Variants in TMEM17 observed in about 807,000 individuals in gnomAD.
TMEM17 encodes transmembrane protein 17.
TMEM17 carries 15 observed loss-of-function variants against 19.1 expected under a neutral mutation model. That is an observed-to-expected ratio of 0.78 (90% CI 0.52 to 1.21). TMEM17 has a LOEUF of 1.21. Ranked by LOEUF, TMEM17 falls within the 50% of genes most tolerant of loss-of-function variation. The pLI, the probability that TMEM17 is intolerant of heterozygous loss-of-function variation, is 0.00. For missense variants in TMEM17, 245 were observed against 242.3 expected, an observed-to-expected ratio of 1.01 and a Z score of -0.07; for synonymous variants, 103 against 86.9, an observed-to-expected ratio of 1.19 and a Z score of -1.03.
the TMEM17 span, among the ~76,000 whole-genome samples, chr2:62,482,494 T>C: frequency 9.2e-3 from 1,402 of 152,298 alleles, 22 homozygotes; most frequent in African/African-American, 0.031. Context: ...GGGGAACTCA[T>C]CCAGTGCAGT....
chr2:62,453,685 G>T, the TMEM17 span, among the ~76,000 whole-genome samples: 1 of 152,276 alleles, frequency 6.6e-6, no homozygotes, highest in African/African-American at 2.4e-5. Context: ...AGCAATGTTT[G>T]ACTCCTTTAC....
chr2:62,481,071 G>A, the TMEM17 span, among the ~76,000 whole-genome samples: 1 of 151,926 alleles, frequency 6.6e-6, no homozygotes, highest in Admixed American at 6.6e-5. Context: ...GATGTCTTTT[G>A]ATTTTTTATT....
chr2:62,487,176 C>G, the TMEM17 span, among the ~76,000 whole-genome samples: 1 of 152,170 alleles, frequency 6.6e-6, no homozygotes, highest in African/African-American at 2.4e-5. Context: ...ATCAAGGTGT[C>G]AGCAGGGCTG....
At chr2:62,463,519 C>T in the TMEM17 span, among the ~76,000 whole-genome samples, 1 of 152,150 alleles carries the variant, frequency 6.6e-6, no homozygotes, top group Non-Finnish European at 1.5e-5. Flanking sequence ...CCTCAGGGTG[C>T]TTACCAGTTA....
the TMEM17 span, among the ~76,000 whole-genome samples, chr2:62,466,324 A>T: frequency 6.6e-6 from 1 of 152,110 alleles, no homozygotes; most frequent in African/African-American, 2.4e-5. Flanking sequence ...CTGGAAGCTG[A>T]GCATCCTTGG....
At chr2:62,480,392 T>G in the TMEM17 span, among the ~76,000 whole-genome samples, 3 of 152,222 alleles carry the variant, frequency 2.0e-5, no homozygotes, top group Non-Finnish European at 2.9e-5. Context: ...TCGTTTTCTT[T>G]GCTGTACAGA....
the TMEM17 span, among the ~76,000 whole-genome samples, chr2:62,477,694 A>C: frequency 6.6e-6 from 1 of 152,346 alleles, no homozygotes; most frequent in Admixed American, 6.5e-5. Context: ...TGGGAGGCAG[A>C]ACACCAGAGG....
the TMEM17 span, among the ~76,000 whole-genome samples, chr2:62,473,573 T>C: frequency 2.0e-5 from 3 of 152,028 alleles, no homozygotes; most frequent in African/African-American, 7.3e-5. Flanking sequence ...CTGCTGGGAG[T>C]GAGGGAAGCA....
At chr2:62,454,438 A>G in the TMEM17 span, among the ~76,000 whole-genome samples, 832 of 152,256 alleles carry the variant, frequency 5.5e-3, 6 homozygotes, top group African/African-American at 0.019. Context: ...CTCTGTTCCC[A>G]CTGCTCCCCA....
the TMEM17 span, among the ~76,000 whole-genome samples, chr2:62,487,850 T>C: frequency 6.6e-6 from 1 of 152,142 alleles, no homozygotes; most frequent in Admixed American, 6.5e-5. Flanking sequence ...CATGCCACCA[T>C]GCCCGGCTAA....
the TMEM17 span, among the ~76,000 whole-genome samples, chr2:62,464,616 G>A: frequency 2.3e-4 from 35 of 152,202 alleles, no homozygotes; most frequent in African/African-American, 7.7e-4. Context: ...AGACAGAGCC[G>A]ATTTATCAAG....
chr2:62,459,746 T>C, the TMEM17 span, among the ~76,000 whole-genome samples: 1 of 152,264 alleles, frequency 6.6e-6, no homozygotes, highest in African/African-American at 2.4e-5. Context: ...GCTATGATCA[T>C]TTTAAATGAA....
the TMEM17 span, among the ~76,000 whole-genome samples, chr2:62,474,136 G>A: frequency 2.6e-5 from 4 of 152,144 alleles, no homozygotes; most frequent in Non-Finnish European, 4.4e-5. Flanking sequence ...GAGCTGCTGC[G>A]TTCTCCACAA....
chr2:62,483,633 C>T, the TMEM17 span, among the ~76,000 whole-genome samples: 3 of 143,376 alleles, frequency 2.1e-5, no homozygotes, highest in East Asian at 2.0e-4. Flanking sequence ...CAAGTTCACT[C>T]TTGTCACCCA....
the TMEM17 span, among the ~76,000 whole-genome samples, chr2:62,488,648 C>T: frequency 3.3e-5 from 5 of 151,958 alleles, no homozygotes; most frequent in East Asian, 1.9e-4. Context: ...CTCTGCAACT[C>T]GACTAGGAAG....
chr2:62,502,401 A>G, intron 3 of TMEM17, 36 bp downstream of exon 3: 1 of 1,395,394 alleles, frequency 7.2e-7, no homozygotes, highest in South Asian at 1.2e-5. Flanking sequence ...GATTTCATTT[A>G]TATCTATCAC....
the TMEM17 span, among the ~76,000 whole-genome samples, chr2:62,453,864 G>T: frequency 2.6e-5 from 4 of 152,220 alleles, no homozygotes; most frequent in African/African-American, 9.6e-5. Flanking sequence ...TGCCATGAGA[G>T]AATAGATACT....
At position 62,501,142 on chromosome 2, in the gene TMEM17, T is replaced by C; in HGVS notation, c.*67A>G. The C allele has an allele frequency of 1.3e-6, 2 of 1,523,758 alleles. No individual in the cohort carries two copies. Among genetic ancestry groups the C allele is most frequent in the Non-Finnish European group, 1.8e-6 (2 of 1,126,778 alleles). 94.4% of individuals were successfully genotyped at this position (1,523,758 alleles called of 1,614,324 possible). ...CTTGCTTTGTCCCTTTTCTCAGAGC[T>C]CTGATATTTTCCTAACTCTTACAGT... On this transcript the variant is annotated 3_prime_UTR_variant, in exon 4 of 4. Transcript: ENST00000335390.
In TMEM17 at chr2:62,506,125, T is replaced by C; in HGVS notation, c.5A>G (p.Glu2Gly). The change falls in exon 1 of 4, where the codon GAG becomes GGG. Residue 2 changes from glutamate to glycine, a missense_variant. Transcript: ENST00000335390. M[E>G]LPDPVRQRLG... ...CCGCTGGCGCACCGGATCCGGCAGC[T>C]CCATGCCTGGGCCTCAGTATCCCTC... The C allele has an allele frequency of 6.2e-7, 1 of 1,608,226 alleles. No individual in the cohort carries two copies. The highest frequency in any genetic ancestry group is 8.5e-7 in the Non-Finnish European group (1 of 1,177,714).
Sources: allele counts gnomAD v4.1 joint callset (sites outside exome capture counted in the v4.1 genomes callset), GRCh38; gene constraint gnomAD v4.1.1; transcripts MANE v1.5; gene names NCBI Gene and HGNC (gene_info 2026-07-23, HGNC 2026-07-21).